The following BPIFB2 variants were observed in gnomAD, a reference collection of about 807,000 sequenced individuals.
BPIFB2 encodes BPI fold containing family B member 2.
Under a neutral mutation model 50.1 loss-of-function variants are expected in BPIFB2, and 39 were observed. That is an observed-to-expected ratio of 0.78 (90% CI 0.60 to 1.02). The LOEUF (loss-of-function observed/expected upper bound fraction) is 1.02, where lower values mean the gene tolerates loss of function less well. Among genes scored for constraint, BPIFB2 ranks in the 50% least tolerant of loss-of-function variants. The pLI is 0.00. For missense variants in BPIFB2, 574 were observed against 585.8 expected, an observed-to-expected ratio of 0.98 and a Z score of 0.21; for synonymous variants, 280 against 256.3, an observed-to-expected ratio of 1.09 and a Z score of -0.88.
chr20:33,013,838 C>G lies in BPIFB2; in HGVS notation c.337C>G (p.Pro113Ala). 1 of 1,613,930 alleles carries G rather than the reference C, an allele frequency of 6.2e-7. No individual in the cohort carries two copies. The highest frequency in any genetic ancestry group is 8.5e-7 in the Non-Finnish European group (1 of 1,179,980). ...CCCAGAGCCCCTGGAGCTGACGCTG[C>G]CTGTGGAACTGCTGGCTGACACCCG... ...RAPEPLELTL[P>A]VELLADTRVT... Residue 113 changes from proline (P) to alanine (A), a missense_variant, in exon 5 of 16, where the codon CCT (proline) becomes GCT (alanine). Pro to Ala is a conservative substitution (Grantham distance 27, BLOSUM62 -1). Transcript: ENST00000170150.
intron 8 of BPIFB2, 44 bp from the exon 9 acceptor site, chr20:33,018,593 A>G (rs146974702): frequency 8.2e-5 from 128 of 1,551,872 alleles, no homozygotes; most frequent in Middle Eastern, 1.7e-4. Context: ...CTCCGTGCTG[A>G]GGCCCTGCTG....
At chr20:33,022,187 G>A (rs1483887151) in intron 15 of BPIFB2, among the ~76,000 whole-genome samples, 1 of 152,182 alleles carries the variant, frequency 6.6e-6, no homozygotes, top group Non-Finnish European at 1.5e-5. Context: ...CCCTGGACCT[G>A]AAATTGTGGG....
chr20:33,017,005 C>A, intron 6 of BPIFB2, 37 bp from the exon 7 acceptor site: 1 of 1,602,284 alleles, frequency 6.2e-7, no homozygotes, highest in Non-Finnish European at 8.5e-7. Context: ...CCCAGGGCTG[C>A]CCTAACCCCA....
At chr20:33,011,685 A>T (rs886302782) in intron 3 of BPIFB2, among the ~76,000 whole-genome samples, 1 of 152,224 alleles carries the variant, frequency 6.6e-6, no homozygotes, top group Non-Finnish European at 1.5e-5. Context: ...AACTAATGAA[A>T]AAACATTTAA....
In BPIFB2 at chr20:33,019,692, T is replaced by A; in HGVS notation, c.1022T>A (p.Val341Glu). Reference sequence around the variant, plus strand: ...GCCACCCTGCGGCTGCAGCCCTTCGTGGAGGTCCTGGCCACAGCCTCCAAC... The same window carrying A: ...GCCACCCTGCGGCTGCAGCCCTTCGAGGAGGTCCTGGCCACAGCCTCCAAC... ...NNATLRLQPF[V>E]EVLATASNSA... Residue 341 changes from valine (V) to glutamate (E), a missense_variant, in exon 11 of 16, where the codon GTG (valine) becomes GAG (glutamate). By Grantham distance (121) the Val-to-Glu change is moderately radical. Transcript: ENST00000170150. 1 of 1,612,568 alleles carries A rather than the reference T, an allele frequency of 6.2e-7. No individual in the cohort carries two copies. Among genetic ancestry groups the A allele is most frequent in the South Asian group, 1.1e-5 (1 of 90,662 alleles).
chr20:33,019,206 G>A, intron 10 of BPIFB2, 91 bp downstream of exon 10: 3 of 1,509,342 alleles, frequency 2.0e-6, no homozygotes, highest in Non-Finnish European at 2.8e-6. Context: ...GCTCTTATCT[G>A]TCCCAAGTGA....
chr20:33,009,713 C>T lies in BPIFB2; in HGVS notation c.109+1030C>T, dbSNP rs767597284. 9.2e-5 allele frequency among the ~76,000 whole-genome samples: 14 copies of T among 152,366 alleles called. No individual in the cohort carries two copies. In the South Asian group the frequency reaches 1.4e-3, roughly 16 times the overall value. ...GTAGGGCCATGAGGCCCGCGCCCTC[C>T]GCCGCCTTCCTGCCCTCTGCCCATC... On this transcript the variant is annotated intron_variant, in intron 2 of 15. Coordinates refer to ENST00000170150, the MANE Select transcript of BPIFB2 (RefSeq NM_025227.3). The surrounding 1 kb of genome is among the most constrained non-coding windows in gnomAD (Gnocchi z 4.2).
At chr20:33,021,573 T>C in intron 14 of BPIFB2, 150 bp from the exon 15 acceptor site, 1 of 904,228 alleles carries the variant, frequency 1.1e-6, no homozygotes, top group Admixed American at 2.3e-5. Context: ...TTTTTCTCTC[T>C]GAGCCCCAGC....
In BPIFB2 at chr20:33,021,813, G is replaced by A. The variant is rs77017010; in HGVS notation, c.1335+14G>A. 1.5e-3 allele frequency: 2,424 copies of A among 1,610,356 alleles called. 7 individuals are homozygous for A. Among genetic ancestry groups the A allele is most frequent in the Middle Eastern group, 8.3e-3 (50 of 6,060 alleles). ...TTTGTCTATGAGGTGAGAGCCTTTGGGTGTGACCAGAGGGGCCTCCTTCAC... is the reference window on the plus strand; with the variant it reads ...TTTGTCTATGAGGTGAGAGCCTTTGAGTGTGACCAGAGGGGCCTCCTTCAC... On this transcript the variant is annotated intron_variant, in intron 15 of 15. Transcript: ENST00000170150.
intron 6 of BPIFB2, among the ~76,000 whole-genome samples, chr20:33,016,320 G>A (rs1017630478): frequency 6.6e-6 from 1 of 152,136 alleles, no homozygotes; most frequent in Admixed American, 6.5e-5. Flanking sequence ...CAAGTGGACA[G>A]CTTAACTTTG....
chr20:33,018,621 C>A lies in BPIFB2; in HGVS notation c.670-16C>A. 1 of 1,590,114 alleles carries A rather than the reference C, an allele frequency of 6.3e-7. No homozygotes were observed. The highest frequency in any genetic ancestry group is 1.1e-5 in the South Asian group (1 of 87,022). On this transcript the variant is annotated splice_polypyrimidine_tract_variant and intron_variant, in intron 8 of 15. Transcript: ENST00000170150. ...CCCTGCTGCTTTTCTCCCACTTCCCCCTCCCACCCCTACAGGCTGTTCTCT... is the reference window on the plus strand; with the variant it reads ...CCCTGCTGCTTTTCTCCCACTTCCCACTCCCACCCCTACAGGCTGTTCTCT...
In BPIFB2 at chr20:33,021,622, C is replaced by T. The variant is rs1244404515; in HGVS notation, c.1259-101C>T. ...AAAGGGGTATAACAATAATGGCATC[C>T]ATCTTCCAGATGCCTGCGAGGACTC... is the stretch of plus-strand genomic sequence containing the variant. On this transcript the variant is annotated intron_variant, in intron 14 of 15. Transcript: ENST00000170150. 66 of 1,215,624 alleles carry T rather than the reference C, an allele frequency of 5.4e-5. No individual in the cohort carries two copies. In the South Asian group the frequency reaches 7.5e-4, roughly 14 times the overall value. The allele number at this position is 1,215,624 out of a possible 1,614,324, so 75.3% of individuals were successfully genotyped here.
At chr20:33,019,204 C>G in intron 10 of BPIFB2, 89 bp downstream of exon 10, 1 of 1,516,176 alleles carries the variant, frequency 6.6e-7, no homozygotes, top group African/African-American at 1.4e-5. Context: ...TGGCTCTTAT[C>G]TGTCCCAAGT....
intron 5 of BPIFB2, among the ~76,000 whole-genome samples, chr20:33,014,197 A>G (rs1169553664): frequency 1.3e-5 from 2 of 152,170 alleles, no homozygotes; most frequent in African/African-American, 2.4e-5. Context: ...ACCACTTGAC[A>G]ATACACACTA....
Position 33,018,342 on chromosome 20 carries a change from G to A in BPIFB2, c.661G>A (p.Glu221Lys), listed in dbSNP as rs377387735. ...PTVTSDYISL[E>K]VNAVLFLLGK... ...TGTCACCAGTGACTACATTTCCCTG[G>A]AAGTCAATGTAAGTGCCTCCTGGCC... Residue 221 changes from glutamate to lysine, a missense_variant, in exon 8 of 16, where the codon GAA becomes AAA. Transcript: ENST00000170150. 1 of 1,613,264 alleles carries A rather than the reference G, an allele frequency of 6.2e-7. No individual in the cohort carries two copies. Among genetic ancestry groups the A allele is most frequent in the Admixed American group, 1.7e-5 (1 of 60,006 alleles).
chr20:33,013,502 T>C (rs953966114), intron 4 of BPIFB2, among the ~76,000 whole-genome samples: 1 of 152,126 alleles, frequency 6.6e-6, no homozygotes, highest in African/African-American at 2.4e-5. Context: ...CCACCAACCT[T>C]ATGTCCATTT....
rs754215601 is a variant in BPIFB2, at chr20:33,021,282, C to T, written c.1196C>T (p.Thr399Ile). 6.2e-7 allele frequency: 1 copy of T among 1,614,000 alleles called. No individual in the cohort carries two copies. Among genetic ancestry groups the T allele is most frequent in the South Asian group, 1.1e-5 (1 of 91,018 alleles). Reference protein sequence around the residue: ...VASSNVGFIDTDQVRTLMGTV... With the variant: ...VASSNVGFIDIDQVRTLMGTV... ...ATCTCCCTGGCTCCGTGGCCACAGA[C>T]AGATCAGGTGCGCACACTGATGGGC... is the stretch of plus-strand genomic sequence containing the variant. The change falls in exon 14 of 16, where the codon ACA becomes ATA. Residue 399 changes from threonine (T) to isoleucine (I), a missense_variant and splice_region_variant. Transcript: ENST00000170150.
chr20:33,019,655 C>T lies in BPIFB2; in HGVS notation c.985C>T (p.His329Tyr), dbSNP rs139300645. ...RLGATPVAML[H>Y]TNNATLRLQP... The stretch of plus-strand genomic sequence containing the variant: ...GGGTGCCACACCTGTGGCCATGCTC[C>T]ACACAAACAACGCCACCCTGCGGCT... Residue 329 changes from histidine to tyrosine, a missense_variant, in exon 11 of 16, where the codon CAC (histidine) becomes TAC (tyrosine). Physicochemically the swap from His to Tyr is moderately conservative, Grantham distance 83 (BLOSUM62 2). Transcript: ENST00000170150. 19 of 1,612,766 alleles carry T rather than the reference C, an allele frequency of 1.2e-5. No homozygotes were observed. In the African/African-American group the frequency reaches 2.4e-4, roughly 20 times the overall value.
intron 13 of BPIFB2, among the ~76,000 whole-genome samples, chr20:33,020,872 G>A (rs566282940): frequency 2.2e-3 from 335 of 152,164 alleles, no homozygotes; most frequent in Non-Finnish European, 4.0e-3. Flanking sequence ...TTGGGTCATC[G>A]GCCACCATAC....
Sources: allele counts gnomAD v4.1 joint callset (sites outside exome capture counted in the v4.1 genomes callset), GRCh38; gene constraint gnomAD v4.1.1; non-coding constraint Gnocchi (gnomAD v3.1); transcripts MANE v1.5; gene names NCBI Gene and HGNC (gene_info 2026-07-23, HGNC 2026-07-21).